The following UVSSA variants were observed in gnomAD, a reference collection of about 807,000 sequenced individuals.
UVSSA encodes UV stimulated scaffold protein A.
A neutral mutation model predicts 73.9 loss-of-function variants in UVSSA; 72 were observed. The ratio of observed to expected loss-of-function variants is 0.97; its 90% CI spans 0.81 to 1.19. The LOEUF (loss-of-function observed/expected upper bound fraction) is 1.19. UVSSA is among the 50% of genes most tolerant of loss of function. The pLI, the probability that UVSSA is intolerant of heterozygous loss-of-function variation, is 0.00. For synonymous variants in UVSSA, 454 were observed against 391.3 expected, an observed-to-expected ratio of 1.16 and a Z score of -1.89; for missense variants, 1,150 against 965.0, an observed-to-expected ratio of 1.19 and a Z score of -2.54.
chr4:1,369,686 A>AGGCC (rs1717782678), intron 8 of UVSSA, among the ~76,000 whole-genome samples: 1 of 152,258 alleles, frequency 6.6e-6, no homozygotes. Flanking sequence ...AGCGCTGGGC[A>AGGCC]GGCCGCCTGG....
chr4:1,342,569 A>G (rs1392818904), upstream of UVSSA, among the ~76,000 whole-genome samples: 1 of 152,170 alleles, frequency 6.6e-6, no homozygotes, highest in Non-Finnish European at 1.5e-5. Flanking sequence ...TAAAAAAAAA[A>G]TCTGCCTATT....
intron 7 of UVSSA, among the ~76,000 whole-genome samples, chr4:1,365,865 C>T (rs1224628783): frequency 6.6e-6 from 1 of 151,946 alleles, no homozygotes; most frequent in Middle Eastern, 3.2e-3. Context: ...CTGCCCTAAG[C>T]CTCAGGGGCA....
At chr4:1,370,578 T>G (rs1268231378) in intron 8 of UVSSA, among the ~76,000 whole-genome samples, 1 of 152,214 alleles carries the variant, frequency 6.6e-6, no homozygotes, top group Admixed American at 6.5e-5. Context: ...GCACCTTCTG[T>G]GAAGGGCCAG....
chr4:1,360,416 C>G (rs1716458806), intron 7 of UVSSA, among the ~76,000 whole-genome samples: 1 of 152,258 alleles, frequency 6.6e-6, no homozygotes, highest in African/African-American at 2.4e-5. Context: ...GTTTGGAAAG[C>G]AGCCCCGTGG....
rs570553625 is a variant in UVSSA, at chr4:1,365,728, C to T, written c.1177-592C>T. Among the ~76,000 whole-genome samples the T allele has an allele frequency of 2.8e-4, 42 of 152,364 alleles. No individual in the cohort carries two copies. In the South Asian group the frequency reaches 8.5e-3, roughly 31 times the overall value. ...GTCACACCAGCACCACGGGAGAACCCTGTGTGGGGAGCTAGCCCTGGCCCG... is the reference window on the plus strand; with the variant it reads ...GTCACACCAGCACCACGGGAGAACCTTGTGTGGGGAGCTAGCCCTGGCCCG... On this transcript the variant is annotated intron_variant, in intron 7 of 13. Coordinates refer to ENST00000389851, the MANE Select transcript of UVSSA (RefSeq NM_020894.4).
exon 14 of UVSSA, chr4:1,394,383 C>G (rs1460334787): frequency 1.4e-6 from 2 of 1,437,402 alleles, no homozygotes; most frequent in Non-Finnish European, 1.9e-6. Flanking sequence ...ATGTTTTCTT[C>G]TAGTACTTTT....
rs1428534014 is a variant in UVSSA, at chr4:1,384,162, C to A, written c.2036+222C>A. ...TGCTCAGGAACGCCCCCCAGCATTC[C>A]CCAGGATAAGAGGGGCTCGACCGCC... On this transcript the variant is annotated intron_variant, in intron 13 of 13. Transcript: ENST00000389851. The A allele has an allele frequency of 8.7e-6, 5 of 577,902 alleles. No homozygotes were observed. The African/African-American group carries it at 9.4e-5, about 11-fold the overall frequency. The allele number at this position is 577,902 out of a possible 1,614,324, so 35.8% of individuals were successfully genotyped here. A position where few individuals can be genotyped will look rare whatever the true frequency, so the allele number is the denominator to read the frequency against.
At chr4:1,375,542 G>C in intron 9 of UVSSA, 34 bp downstream of exon 9, 3 of 1,592,598 alleles carry the variant, frequency 1.9e-6, no homozygotes, top group African/African-American at 1.3e-5. Flanking sequence ...TGAGCCCCCT[G>C]CCCGGCGCTG....
At chr4:1,353,466 A>T in intron 5 of UVSSA, 53 bp downstream of exon 5, 1 of 1,436,956 alleles carries the variant, frequency 7.0e-7, no homozygotes, top group South Asian at 1.5e-5. Flanking sequence ...GCTCCCGGGT[A>T]GGCTCCTCCC....
intron 13 of UVSSA, 74 bp downstream of exon 13, chr4:1,384,014 G>A (rs1719820011): frequency 6.8e-7 from 1 of 1,481,250 alleles, no homozygotes; most frequent in Non-Finnish European, 9.0e-7. Flanking sequence ...GGCCATCTGA[G>A]CGCCAAGATA....
At chr4:1,344,894 G>A (rs1713561989), upstream of UVSSA, among the ~76,000 whole-genome samples, 1 of 152,190 alleles carries the variant, frequency 6.6e-6, no homozygotes, top group Non-Finnish European at 1.5e-5. Flanking sequence ...AAGGAACTCT[G>A]TGGATACTGG....
chr4:1,346,438 C>T (rs1713689591), upstream of UVSSA, among the ~76,000 whole-genome samples: 1 of 152,344 alleles, frequency 6.6e-6, no homozygotes, highest in East Asian at 1.9e-4. Context: ...GTCCGTCCGT[C>T]CGCAGCCGAC....
At chr4:1,395,464 A>G (rs1577397596) in exon 14 of UVSSA, 2 of 1,462,416 alleles carry the variant, frequency 1.4e-6, no homozygotes, top group Admixed American at 2.0e-5. Flanking sequence ...GCCCATATGG[A>G]GTGCCCGCCT....
intron 7 of UVSSA, among the ~76,000 whole-genome samples, chr4:1,362,150 G>A (rs1031347910): frequency 1.3e-5 from 2 of 152,156 alleles, no homozygotes; most frequent in African/African-American, 4.8e-5. Context: ...GATCGTGGAG[G>A]CTCATTTTTC....
intron 7 of UVSSA, among the ~76,000 whole-genome samples, chr4:1,362,030 C>A (rs1449672224): frequency 6.6e-6 from 1 of 152,206 alleles, no homozygotes; most frequent in African/African-American, 2.4e-5. Context: ...TGCCCCTTCA[C>A]ACGGCCTCTC....
intron 7 of UVSSA, chr4:1,357,098 G>C (rs1029135954): frequency 6.6e-6 from 1 of 150,758 alleles, no homozygotes; most frequent in African/African-American, 2.5e-5. Context: ...GAGCAGAGCG[G>C]GGCTGATGGG....
At position 1,355,250 on chromosome 4, in the gene UVSSA, G is replaced by A. The variant is rs748876272; in HGVS notation, c.1176+5G>A. ...GAGGGAGGGGAAAGGCGCAGGGTGA[G>A]TGGGCAGGCGGCGAGCGGGAAGGGG... On this transcript the variant is annotated splice_donor_5th_base_variant and intron_variant, in intron 7 of 13. Coordinates refer to ENST00000389851, the MANE Select transcript of UVSSA (RefSeq NM_020894.4). 248 of 1,608,544 alleles carry A rather than the reference G, an allele frequency of 1.5e-4. 3 individuals are homozygous for A. In the South Asian group the frequency reaches 2.6e-3, roughly 17 times the overall value.
chr4:1,376,813 G>A (rs1718830476), intron 10 of UVSSA, among the ~76,000 whole-genome samples: 1 of 152,188 alleles, frequency 6.6e-6, no homozygotes, highest in Non-Finnish European at 1.5e-5. Flanking sequence ...CGCCGCCTCA[G>A]CTCCTGCCGC....
At chr4:1,358,782 T>A (rs1389675551) in intron 7 of UVSSA, among the ~76,000 whole-genome samples, 1 of 152,276 alleles carries the variant, frequency 6.6e-6, no homozygotes, top group Non-Finnish European at 1.5e-5. Context: ...TTAAATCACT[T>A]CCCTCCGTGT....
Sources: allele counts gnomAD v4.1 joint callset (sites outside exome capture counted in the v4.1 genomes callset), GRCh38; gene constraint gnomAD v4.1.1; transcripts MANE v1.5; gene names NCBI Gene and HGNC (gene_info 2026-07-23, HGNC 2026-07-21).